CNTNAP5: variants seen among roughly 807,000 people sequenced by gnomAD.
The protein encoded by CNTNAP5 is contactin associated protein family member 5.
In CNTNAP5, 72 loss-of-function variants were observed where a neutral mutation model predicts 150.2. The ratio of observed to expected loss-of-function variants is 0.48; its 90% confidence interval spans 0.40 to 0.58. The LOEUF is 0.58. Ranked by LOEUF, CNTNAP5 falls within the 20% of genes least tolerant of loss-of-function variation. The pLI is 0.00. For synonymous variants in CNTNAP5, 672 were observed against 619.8 expected, an observed-to-expected ratio of 1.08 and a Z score of -1.25; for missense variants, 1,636 against 1,626.2, an observed-to-expected ratio of 1.01 and a Z score of -0.10.
intron 13 of CNTNAP5, among the ~76,000 whole-genome samples, chr2:124,720,672 G>A (rs1341358149): frequency 6.6e-6 from 1 of 152,158 alleles, no homozygotes; most frequent in Non-Finnish European, 1.5e-5. Context: ...AATGAGCCTT[G>A]CTGAGATCCT....
chr2:124,051,855 C>A (rs1256915849), intron 1 of CNTNAP5, among the ~76,000 whole-genome samples: 1 of 152,182 alleles, frequency 6.6e-6, no homozygotes, highest in African/African-American at 2.4e-5. Context: ...TACAGCATTC[C>A]TTTTGCCACA....
chr2:124,393,201 C>A (rs966512988), intron 3 of CNTNAP5, among the ~76,000 whole-genome samples: 1 of 152,050 alleles, frequency 6.6e-6, no homozygotes, highest in Non-Finnish European at 1.5e-5. Flanking sequence ...ATGTGGCATG[C>A]GGCATCCTCA....
chr2:124,132,061 A>C (rs1683863652), intron 1 of CNTNAP5, among the ~76,000 whole-genome samples: 1 of 152,168 alleles, frequency 6.6e-6, no homozygotes, highest in South Asian at 2.1e-4. Flanking sequence ...CTCTCCTGAG[A>C]TAAAGGATTT....
intron 2 of CNTNAP5, among the ~76,000 whole-genome samples, chr2:124,223,864 A>G (rs1333362761): frequency 6.6e-6 from 1 of 151,170 alleles, no homozygotes; most frequent in Non-Finnish European, 1.5e-5. Flanking sequence ...AGCAGAAGAC[A>G]TAGTGATACA....
intron 1 of CNTNAP5, among the ~76,000 whole-genome samples, chr2:124,190,266 A>G (rs944211499): frequency 6.6e-6 from 1 of 152,208 alleles, no homozygotes; most frequent in African/African-American, 2.4e-5. Flanking sequence ...GGTAGCAATG[A>G]TGTTTTTGAG....
chr2:124,803,755 G>A (rs1682022107), intron 19 of CNTNAP5, among the ~76,000 whole-genome samples: 1 of 152,204 alleles, frequency 6.6e-6, no homozygotes, highest in African/African-American at 2.4e-5. Flanking sequence ...AGGGAGGCAA[G>A]AATAAGAAGG....
intron 21 of CNTNAP5, among the ~76,000 whole-genome samples, chr2:124,871,595 G>A (rs897996382): frequency 2.0e-5 from 3 of 152,092 alleles, no homozygotes; most frequent in Non-Finnish European, 2.9e-5. Context: ...CAGTTTCAAA[G>A]ACTCACTGGC....
intron 1 of CNTNAP5, among the ~76,000 whole-genome samples, chr2:124,065,756 C>G (rs541257767): frequency 2.0e-5 from 3 of 152,268 alleles, no homozygotes; most frequent in African/African-American, 7.2e-5. Context: ...GCCACCTCCT[C>G]TCATGGTTGG....
At chr2:124,401,760 A>G (rs1273138178) in intron 3 of CNTNAP5, among the ~76,000 whole-genome samples, 1 of 152,228 alleles carries the variant, frequency 6.6e-6, no homozygotes, top group Non-Finnish European at 1.5e-5. Context: ...GAAGGATGAG[A>G]AAATGGAATA....
chr2:124,453,991 C>A (rs1382796136), intron 6 of CNTNAP5, among the ~76,000 whole-genome samples: 1 of 151,738 alleles, frequency 6.6e-6, no homozygotes, highest in Non-Finnish European at 1.5e-5. Context: ...AAAACAAAAA[C>A]AAAAAACAGA....
At chr2:124,671,458 T>A (rs1678822637) in intron 13 of CNTNAP5, among the ~76,000 whole-genome samples, 1 of 152,174 alleles carries the variant, frequency 6.6e-6, no homozygotes, top group Non-Finnish European at 1.5e-5. Flanking sequence ...AGAAAATTAT[T>A]TTTTTAAAGA....
intron 10 of CNTNAP5, among the ~76,000 whole-genome samples, chr2:124,544,385 C>T (rs1026970820): frequency 6.6e-6 from 1 of 152,012 alleles, no homozygotes; most frequent in African/African-American, 2.4e-5. Flanking sequence ...AGAAAGAAGC[C>T]CATTCTGTGT....
Position 124,915,914 on chromosome 2 carries a change from T to C in CNTNAP5, c.*1626T>C, listed in dbSNP as rs1489517745. ...ATGATTCTTAGGTGTGGAAAATACT[T>C]GCTGATTCTCTTTATGAGGCAGATT... On this transcript the variant is annotated 3_prime_UTR_variant, in exon 24 of 24. Transcript: ENST00000682447. 6.6e-6 allele frequency among the ~76,000 whole-genome samples: 1 copy of C among 152,040 alleles called. No individual in the cohort carries two copies. Among genetic ancestry groups the C allele is most frequent in the African/African-American group, 2.4e-5 (1 of 41,426 alleles).
At chr2:124,658,943 C>T (rs1378996707) in intron 13 of CNTNAP5, among the ~76,000 whole-genome samples, 1 of 152,080 alleles carries the variant, frequency 6.6e-6, no homozygotes, top group African/African-American at 2.4e-5. Flanking sequence ...TGGAACCTTC[C>T]CAAAGAGAAG....
At chr2:124,431,508 G>GAC (rs1553467713) in intron 4 of CNTNAP5, among the ~76,000 whole-genome samples, 1 of 114,292 alleles carries the variant, frequency 8.7e-6, no homozygotes, top group African/African-American at 3.4e-5. Context: ...AAGTGTCAAA[G>GAC]ATATATATAT....
intron 2 of CNTNAP5, among the ~76,000 whole-genome samples, chr2:124,228,796 C>G (rs1686535429): frequency 6.6e-6 from 1 of 152,084 alleles, no homozygotes; most frequent in Non-Finnish European, 1.5e-5. Flanking sequence ...ACACTCTTGT[C>G]AAGGAACATC....
intron 13 of CNTNAP5, among the ~76,000 whole-genome samples, chr2:124,711,380 C>T (rs186745342): frequency 3.0e-4 from 46 of 152,292 alleles, no homozygotes; most frequent in Admixed American, 1.2e-3. Flanking sequence ...ATGCCCCCAA[C>T]ATCCAACTAG....
chr2:124,465,832 G>A (rs1301110437), intron 6 of CNTNAP5, among the ~76,000 whole-genome samples: 1 of 152,124 alleles, frequency 6.6e-6, no homozygotes, highest in Non-Finnish European at 1.5e-5. Flanking sequence ...TATATAGTAA[G>A]TAAGAAGATA....
At chr2:124,270,205 A>T (rs1163926160) in intron 3 of CNTNAP5, among the ~76,000 whole-genome samples, 3 of 152,048 alleles carry the variant, frequency 2.0e-5, no homozygotes, top group African/African-American at 7.2e-5. Context: ...GCTACTCAGG[A>T]GGCTGAGATT....
Sources: allele counts gnomAD v4.1 joint callset (sites outside exome capture counted in the v4.1 genomes callset), GRCh38; gene constraint gnomAD v4.1.1; transcripts MANE v1.5; gene names NCBI Gene and HGNC (gene_info 2026-07-23, HGNC 2026-07-21).